The following EP400 variants were observed in gnomAD, a reference collection of about 807,000 sequenced individuals.
The protein encoded by EP400 is E1A binding protein p400, also known as E1A-binding protein p400.
Under a neutral mutation model 354.1 loss-of-function variants are expected in EP400, and 105 were observed. The observed-to-expected ratio is 0.30, with a 90% confidence interval of 0.25 to 0.35. The LOEUF is 0.35. EP400 is among the 10% of genes least tolerant of loss of function. The probability of loss-of-function intolerance (pLI) is 1.00; values close to 1 mark genes in which losing one functional copy is unlikely to be tolerated. For synonymous variants in EP400, 1,646 were observed against 1,716.9 expected, an observed-to-expected ratio of 0.96 and a Z score of 1.02; for missense variants, 3,280 against 4,121.0, an observed-to-expected ratio of 0.80 and a Z score of 5.59.
At position 132,045,384 on chromosome 12, in the gene EP400, C is replaced by T. The variant is rs751444404; in HGVS notation, c.6850C>T (p.Arg2284Cys). The T allele has an allele frequency of 8.1e-6, 13 of 1,614,188 alleles. No homozygotes were observed. Among genetic ancestry groups the T allele is most frequent in the South Asian group, 1.1e-5 (1 of 91,076 alleles). ...AVVPPRSLFD[R>C]ATPGLLKIRR... The stretch of plus-strand genomic sequence containing the variant: ...CGTCCCTCCTCGGTCCCTGTTTGAC[C>T]GCGCAACACCAGGACTTCTGAAAAT... Residue 2284 changes from arginine to cysteine, a missense_variant, in exon 38 of 53, where the codon CGC becomes TGC. This residue lies in a region of EP400 where 231 missense variants were observed against 257.9 expected (regional missense o/e 0.90). Transcript: ENST00000389561.
At chr12:131,979,044 G>A (rs540725904) in intron 2 of EP400, among the ~76,000 whole-genome samples, 2 of 151,912 alleles carry the variant, frequency 1.3e-5, no homozygotes, top group Admixed American at 6.6e-5. Context: ...GTGAAACCCC[G>A]TCTCTACTAA....
Position 132,029,132 on chromosome 12 carries a change from A to G in EP400, c.5382-569A>G, listed in dbSNP as rs762957484. ...GTGTACTCCTCCCTCATTGAACATC[A>G]TGGGTGACCATTCGTTCAGTTTGAA... On this transcript the variant is annotated intron_variant, in intron 27 of 52. Transcript: ENST00000389561. This position sits in a 1 kb window ranked among gnomAD's most constrained non-coding sequence, Gnocchi z 4.7. The G allele has an allele frequency of 6.5e-6, 1 of 154,366 alleles. No individual in the cohort carries two copies. Among genetic ancestry groups the G allele is most frequent in the Non-Finnish European group, 1.4e-5 (1 of 69,544 alleles). 9.6% of individuals were successfully genotyped at this position (154,366 alleles called of 1,614,324 possible). A position where few individuals can be genotyped will look rare whatever the true frequency, so the allele number is the denominator to read the frequency against.
rs11246911 is a variant in EP400, at chr12:132,065,092, C to T, written c.8553+206C>T. 114 of 917,632 alleles carry T rather than the reference C, an allele frequency of 1.2e-4. 3 individuals are homozygous for T. The East Asian group carries it at 3.0e-3, about 24-fold the overall frequency. The allele number at this position is 917,632 out of a possible 1,614,324, so 56.8% of individuals were successfully genotyped here. A position where few individuals can be genotyped will look rare whatever the true frequency, so the allele number is the denominator to read the frequency against. On this transcript the variant is annotated intron_variant, in intron 48 of 52. Coordinates refer to ENST00000389561, the MANE Select transcript of EP400 (RefSeq NM_015409.5). ...ACAGCAGCAGCTCCCAGAGCCCATCCAGGCATCACCAAGCTTCTCAGGGCT... is the reference window on the plus strand; with the variant it reads ...ACAGCAGCAGCTCCCAGAGCCCATCTAGGCATCACCAAGCTTCTCAGGGCT...
At chr12:132,023,300 T>TG (rs1565919292) in intron 23 of EP400, among the ~76,000 whole-genome samples, 1 of 95,632 alleles carries the variant, frequency 1.0e-5, no homozygotes, top group Admixed American at 9.8e-5. Flanking sequence ...GCCCAGCTAA[T>TG]TTTTTTTTTT....
chr12:132,019,169 G>T (rs1410411163), intron 21 of EP400, among the ~76,000 whole-genome samples: 1 of 152,160 alleles, frequency 6.6e-6, no homozygotes, highest in African/African-American at 2.4e-5. Context: ...TCCAGTGGGT[G>T]CTAGTCTGTC....
chr12:132,048,519 ATTTTTTTTTTT>A (rs35268260), intron 39 of EP400, among the ~76,000 whole-genome samples: 1 of 133,614 alleles, frequency 7.5e-6, no homozygotes, highest in African/African-American at 2.8e-5. Flanking sequence ...TTTGAGAGTG[ATTTTTTTTTTT>A]TTTTTTTTTA....
intron 39 of EP400, among the ~76,000 whole-genome samples, chr12:132,048,141 A>G (rs975412513): frequency 2.6e-5 from 4 of 152,158 alleles, no homozygotes; most frequent in Admixed American, 1.3e-4. Flanking sequence ...CAATTTGTGC[A>G]GTTAACAAAA....
Position 132,027,618 on chromosome 12 carries a change from G to C in EP400, c.5109+87G>C, listed in dbSNP as rs1464694109. The C allele has an allele frequency of 1.8e-6, 2 of 1,104,336 alleles. No homozygotes were observed. Among genetic ancestry groups the C allele is most frequent in the Non-Finnish European group, 2.6e-6 (2 of 780,138 alleles). The allele number at this position is 1,104,336 out of a possible 1,614,324, so 68.4% of individuals were successfully genotyped here. ...TTGTGTTTGGTTGTGATATTTAAAG[G>C]CTCCTGTGAATTCTCAAGTGATGTT... On this transcript the variant is annotated intron_variant, in intron 26 of 52. Transcript: ENST00000389561. This position sits in a 1 kb window ranked among gnomAD's most constrained non-coding sequence, Gnocchi z 4.9.
At chr12:132,045,194 G>C (rs970386407) in intron 37 of EP400, 125 bp from the exon 38 acceptor site, 48 of 1,464,004 alleles carry the variant, frequency 3.3e-5, no homozygotes, top group Admixed American at 6.6e-5. Context: ...GTCTTTGGCA[G>C]GTGCTTTCTG....
At chr12:132,068,583 G>A (rs1317920632) in intron 50 of EP400, 1 of 152,372 alleles carries the variant, frequency 6.6e-6, no homozygotes, top group Non-Finnish European at 1.5e-5. Context: ...GCTGTCCTTT[G>A]GAACCCAGAG....
intron 30 of EP400, 61 bp downstream of exon 30, chr12:132,032,210 G>C: frequency 6.6e-7 from 1 of 1,515,998 alleles, no homozygotes; most frequent in Non-Finnish European, 8.9e-7. Context: ...ACAGGTGAGG[G>C]CCTGCGGGGA....
intron 27 of EP400, 65 bp downstream of exon 27, chr12:132,028,353 C>A: frequency 6.3e-7 from 1 of 1,574,938 alleles, no homozygotes; most frequent in Admixed American, 1.7e-5. Context: ...AAGACCCCTT[C>A]TTGTCTCGTG....
intron 23 of EP400, among the ~76,000 whole-genome samples, chr12:132,022,605 C>T (rs1894156009): frequency 6.6e-6 from 1 of 151,840 alleles, no homozygotes; most frequent in Non-Finnish European, 1.5e-5. Flanking sequence ...GGGCAAATGA[C>T]CACATCTGAG....
chr12:131,974,756 G>C (rs905333451), intron 2 of EP400, among the ~76,000 whole-genome samples: 1 of 152,018 alleles, frequency 6.6e-6, no homozygotes, highest in African/African-American at 2.4e-5. Context: ...TTGGGAGGCC[G>C]AGGCGGGCGG....
Position 132,032,039 on chromosome 12 carries a change from A to T in EP400, c.5841A>T (p.Val1947=). Residue 1947 remains valine (V), a synonymous_variant, in exon 30 of 53, where the codon GTA becomes GTT. Transcript: ENST00000389561. ...GCCGTACCACAGGTATAAACCTTGT[A>T]GAGGCGGACACCGTCGTGTTTTATG... ...THSRTTGINL[V]EADTVVFYDN... The T allele has an allele frequency of 6.2e-7, 1 of 1,614,236 alleles. No homozygotes were observed. Among genetic ancestry groups the T allele is most frequent in the Non-Finnish European group, 8.5e-7 (1 of 1,180,040 alleles).
rs1011508824 is a variant in EP400, at chr12:132,054,333, C to G, written c.7729-641C>G. On this transcript the variant is annotated intron_variant, in intron 43 of 52. Coordinates refer to ENST00000389561, the MANE Select transcript of EP400 (RefSeq NM_015409.5). This position sits in a 1 kb window ranked among gnomAD's most constrained non-coding sequence, Gnocchi z 4.0. ...TGCTGTAGTGGAATTTTTATATGTACTCAGGCAACTTCATTCCTCATTTAT... is the reference window on the plus strand; with the variant it reads ...TGCTGTAGTGGAATTTTTATATGTAGTCAGGCAACTTCATTCCTCATTTAT... 6.6e-6 allele frequency among the ~76,000 whole-genome samples: 1 copy of G among 152,194 alleles called. No individual in the cohort carries two copies. The highest frequency in any genetic ancestry group is 2.4e-5 in the African/African-American group (1 of 41,436).
At chr12:131,976,416 T>C (rs1892474223) in intron 2 of EP400, among the ~76,000 whole-genome samples, 1 of 152,182 alleles carries the variant, frequency 6.6e-6, no homozygotes, top group African/African-American at 2.4e-5. Flanking sequence ...TTGATTGAAT[T>C]AAAAATGCAC....
chr12:132,077,499 G>A lies in EP400; in HGVS notation c.9198G>A (p.Gln3066=). ...AVTATAQVVQ[Q]KLIQQQVVTT... ...CCGCGACTGCCCAGGTGGTTCAGCA[G>A]AAACTCATTCAGCAGCAGGTGGTGA... Residue 3066 remains glutamine (Q), a synonymous_variant, in exon 53 of 53, where the codon CAG becomes CAA. Coordinates refer to ENST00000389561, the MANE Select transcript of EP400 (RefSeq NM_015409.5). 1 of 1,613,784 alleles carries A rather than the reference G, an allele frequency of 6.2e-7. No individual in the cohort carries two copies. The highest frequency in any genetic ancestry group is 8.5e-7 in the Non-Finnish European group (1 of 1,180,024).
At chr12:132,007,075 A>G (rs1476375046) in intron 15 of EP400, among the ~76,000 whole-genome samples, 198 bp downstream of exon 15, 2 of 152,212 alleles carry the variant, frequency 1.3e-5, no homozygotes, top group South Asian at 4.1e-4. Flanking sequence ...ATCCAGTAAC[A>G]ATTAGTGAAA....
Sources: gnomAD v4.1 joint callset for allele counts (sites outside exome capture counted in the v4.1 genomes callset) on GRCh38, gnomAD v4.1.1 for gene constraint, gnomAD v4.1.1 regional missense constraint, Gnocchi (gnomAD v3.1) non-coding constraint, MANE v1.5 for transcripts, NCBI Gene and HGNC (gene_info 2026-07-23, HGNC 2026-07-21) for gene names.